Variants in DOCK4 observed in about 807,000 individuals in gnomAD.
DOCK4 encodes the protein dedicator of cytokinesis 4, also known as dedicator of cytokinesis protein 4.
Under a neutral mutation model 268.1 loss-of-function variants are expected in DOCK4, and 97 were observed. That is an observed-to-expected ratio of 0.36 (90% CI 0.31 to 0.43). The LOEUF is 0.43. Among genes scored for constraint, DOCK4 ranks in the 20% least tolerant of loss-of-function variants. The pLI, the probability that DOCK4 is intolerant of heterozygous loss-of-function variation, is 1.00. For synonymous variants in DOCK4, 954 were observed against 887.2 expected, an observed-to-expected ratio of 1.08 and a Z score of -1.34; for missense variants, 2,145 against 2,455.7, an observed-to-expected ratio of 0.87 and a Z score of 2.67.
chr7:111,999,059 G>T (rs1423230982), intron 3 of DOCK4, among the ~76,000 whole-genome samples: 1 of 152,010 alleles, frequency 6.6e-6, no homozygotes, highest in Non-Finnish European at 1.5e-5. Context: ...TCAAACAAAA[G>T]AAGCCATGTT....
intron 47 of DOCK4, chr7:111,740,175 C>A: frequency 2.5e-6 from 1 of 400,424 alleles, no homozygotes; most frequent in Non-Finnish European, 5.0e-6. Flanking sequence ...TCTCGGCTCA[C>A]TGCAACCTCC....
chr7:112,038,092 CCTGT>C (rs1467572931), intron 1 of DOCK4, among the ~76,000 whole-genome samples: 1 of 152,152 alleles, frequency 6.6e-6, no homozygotes, highest in East Asian at 1.9e-4. Flanking sequence ...ATTATTCATG[CCTGT>C]CTACCTATCC....
At chr7:111,992,981 G>GGTC (rs1799654645) in intron 5 of DOCK4, among the ~76,000 whole-genome samples, 1 of 152,110 alleles carries the variant, frequency 6.6e-6, no homozygotes, top group South Asian at 2.1e-4. Flanking sequence ...GAGCCCTCGA[G>GGTC]GTCGGTTATC....
At chr7:112,137,110 T>A (rs929705320) in intron 1 of DOCK4, among the ~76,000 whole-genome samples, 1 of 152,212 alleles carries the variant, frequency 6.6e-6, no homozygotes, top group Non-Finnish European at 1.5e-5. Context: ...TATTGAGTCA[T>A]ACATATTGCT....
chr7:111,834,806 A>C lies in DOCK4; in HGVS notation c.2737-120T>G. ...GTTAAAATGAAATCACGATGATCCAAACTTGCCCTGTGAAGTCTTCTTAAT... is the reference window on the plus strand; with the variant it reads ...GTTAAAATGAAATCACGATGATCCACACTTGCCCTGTGAAGTCTTCTTAAT... On this transcript the variant is annotated intron_variant, in intron 25 of 52. Coordinates refer to ENST00000428084, the MANE Select transcript of DOCK4 (RefSeq NM_001363540.2). 3 of 629,390 alleles carry C rather than the reference A, an allele frequency of 4.8e-6. No homozygotes were observed. The South Asian group carries it at 9.2e-5, about 19-fold the overall frequency. The allele number at this position is 629,390 out of a possible 1,614,324, so 39.0% of individuals were successfully genotyped here. A position where few individuals can be genotyped will look rare whatever the true frequency, so the allele number is the denominator to read the frequency against.
chr7:111,835,859 T>A (rs899925052), intron 25 of DOCK4, among the ~76,000 whole-genome samples: 1 of 152,180 alleles, frequency 6.6e-6, no homozygotes, highest in African/African-American at 2.4e-5. Context: ...AAAGACCATG[T>A]CAAGGCAACC....
intron 23 of DOCK4, 50 bp downstream of exon 23, chr7:111,863,322 T>A: frequency 6.2e-7 from 1 of 1,605,504 alleles, no homozygotes. Context: ...CTACAAAATA[T>A]ACAAAATGGC....
intron 39 of DOCK4, among the ~76,000 whole-genome samples, chr7:111,760,791 C>T (rs1025101482): frequency 1.3e-4 from 18 of 140,482 alleles, no homozygotes; most frequent in South Asian, 6.7e-4. Flanking sequence ...TGTATTCTGC[C>T]GTTCATGATG....
intron 1 of DOCK4, among the ~76,000 whole-genome samples, chr7:112,056,024 T>C (rs1805785001): frequency 6.6e-6 from 1 of 151,860 alleles, no homozygotes; most frequent in Non-Finnish European, 1.5e-5. Flanking sequence ...TGATACCTAA[T>C]ACTATGATCA....
At chr7:111,885,490 A>C (rs1586266413) in intron 16 of DOCK4, among the ~76,000 whole-genome samples, 1 of 152,322 alleles carries the variant, frequency 6.6e-6, no homozygotes, top group South Asian at 2.1e-4. Flanking sequence ...TGGAAGACAC[A>C]AGCACAGCTA....
intron 47 of DOCK4, 149 bp downstream of exon 47, chr7:111,740,945 C>A: frequency 2.3e-6 from 2 of 884,720 alleles, no homozygotes; most frequent in Non-Finnish European, 3.5e-6. Context: ...CTCTAGAGAC[C>A]CATAAAGCAA....
chr7:111,900,337 C>A, intron 15 of DOCK4, 37 bp downstream of exon 15: 10 of 1,602,708 alleles, frequency 6.2e-6, no homozygotes, highest in Non-Finnish European at 8.5e-6. Flanking sequence ...TACTCCAGCA[C>A]AATAGACACA....
intron 27 of DOCK4, chr7:111,819,583 T>C (rs1801822821): frequency 6.6e-6 from 1 of 152,192 alleles, no homozygotes; most frequent in African/African-American, 2.4e-5. Flanking sequence ...TCACAAACTC[T>C]GGCAGAGCTT....
At chr7:111,818,503 C>T (rs1176538696) in intron 27 of DOCK4, among the ~76,000 whole-genome samples, 1 of 152,214 alleles carries the variant, frequency 6.6e-6, no homozygotes, top group African/African-American at 2.4e-5. Flanking sequence ...TCTTCTCTCC[C>T]ACCCACACCC....
At chr7:111,795,575 G>A (rs963160971) in intron 30 of DOCK4, among the ~76,000 whole-genome samples, 4 of 152,184 alleles carry the variant, frequency 2.6e-5, no homozygotes, top group Non-Finnish European at 1.5e-5. Flanking sequence ...GATCATGCCT[G>A]AAGCCAGATC....
chr7:111,916,878 T>C (rs111557703), intron 12 of DOCK4, among the ~76,000 whole-genome samples: 2 of 152,058 alleles, frequency 1.3e-5, no homozygotes, highest in African/African-American at 2.4e-5. Context: ...AGTTCTCTAG[T>C]GGTGATTTGT....
intron 16 of DOCK4, among the ~76,000 whole-genome samples, chr7:111,887,993 T>TG (rs1191634701): frequency 1.3e-5 from 2 of 151,910 alleles, no homozygotes; most frequent in Non-Finnish European, 2.9e-5. Context: ...AGTTTGCAGG[T>TG]GGCAAGGAGA....
intron 12 of DOCK4, among the ~76,000 whole-genome samples, chr7:111,933,181 T>TATACGTATATACAC (rs1794367630): frequency 6.9e-6 from 1 of 145,538 alleles, no homozygotes; most frequent in African/African-American, 2.5e-5. Flanking sequence ...TATACACATA[T>TATACGTATATACAC]ATACGTATAT....
At chr7:112,041,653 G>A (rs1306480425) in intron 1 of DOCK4, among the ~76,000 whole-genome samples, 1 of 152,078 alleles carries the variant, frequency 6.6e-6, no homozygotes. Context: ...GGGTAACACA[G>A]GATTGAAAAA....
Sources: gnomAD v4.1 joint callset for allele counts (sites outside exome capture counted in the v4.1 genomes callset) on GRCh38, gnomAD v4.1.1 for gene constraint, MANE v1.5 for transcripts, NCBI Gene and HGNC (gene_info 2026-07-23, HGNC 2026-07-21) for gene names.